The following DLG2 variants were observed in gnomAD, a reference collection of about 807,000 sequenced individuals.
DLG2 encodes the protein discs large MAGUK scaffold protein 2, also known as disks large homolog 2.
Under a neutral mutation model 132.5 loss-of-function variants are expected in DLG2, and 45 were observed. That is an observed-to-expected ratio of 0.34 (90% CI 0.27 to 0.44). The LOEUF (loss-of-function observed/expected upper bound fraction) is 0.44, where lower values mean the gene tolerates loss of function less well. DLG2 is among the 20% of genes least tolerant of loss of function. DLG2 has a pLI of 1.00. For synonymous variants in DLG2, 424 were observed against 419.6 expected (o/e 1.01, Z -0.13); for missense variants, 1,045 against 1,196.9 (o/e 0.87, Z 1.87).
chr11:84,936,072 CT>C (rs769952291), intron 6 of DLG2, among the ~76,000 whole-genome samples: 21 of 152,104 alleles, frequency 1.4e-4, no homozygotes, highest in Non-Finnish European at 2.8e-4. Context: ...TATCATCTGG[CT>C]AGATACTCAA....
At chr11:83,728,988 A>G (rs2090514754) in intron 18 of DLG2, among the ~76,000 whole-genome samples, 1 of 152,122 alleles carries the variant, frequency 6.6e-6, no homozygotes, top group African/African-American at 2.4e-5. Flanking sequence ...TCTACAATGC[A>G]GGCATGATTA....
intron 7 of DLG2, among the ~76,000 whole-genome samples, chr11:84,491,358 C>T (rs900275010): frequency 2.0e-5 from 3 of 152,066 alleles, no homozygotes; most frequent in African/African-American, 7.2e-5. Flanking sequence ...CCGCCATCCA[C>T]GTAAGATGTG....
At chr11:83,996,155 G>A (rs1485001981) in intron 11 of DLG2, among the ~76,000 whole-genome samples, 1 of 152,038 alleles carries the variant, frequency 6.6e-6, no homozygotes, top group South Asian at 2.1e-4. Context: ...ATAAAAAGAT[G>A]GGCAAAATAT....
At chr11:85,373,607 G>A (rs1306774740) in intron 3 of DLG2, among the ~76,000 whole-genome samples, 2 of 152,142 alleles carry the variant, frequency 1.3e-5, no homozygotes, top group African/African-American at 4.8e-5. Context: ...TCAGGGAGGA[G>A]CCTGGCCCCT....
chr11:84,532,275 G>C (rs2154520325), intron 7 of DLG2, among the ~76,000 whole-genome samples: 1 of 151,906 alleles, frequency 6.6e-6, no homozygotes, highest in South Asian at 2.1e-4. Context: ...CTACTCATAA[G>C]ACAAAAGATG....
chr11:84,848,450 C>A (rs2081775556), intron 6 of DLG2, among the ~76,000 whole-genome samples: 2 of 152,028 alleles, frequency 1.3e-5, no homozygotes, highest in Admixed American at 1.3e-4. Context: ...GCCGAGATTG[C>A]ACCACTGCAC....
chr11:83,544,005 T>A (rs911093849), intron 19 of DLG2, among the ~76,000 whole-genome samples: 2 of 152,190 alleles, frequency 1.3e-5, no homozygotes, highest in Non-Finnish European at 2.9e-5. Context: ...GATATTCTGG[T>A]ATGTGCTAGG....
rs148850600 is a variant in DLG2 at position 83,659,114 on chromosome 11, CAAT to C, written c.1826-25792_1826-25790del. Among the ~76,000 whole-genome samples, 1,219 of 152,308 alleles carry C rather than the reference CAAT, an allele frequency of 8.0e-3. 19 individuals are homozygous for C. Among genetic ancestry groups the C allele is most frequent in the African/African-American group, 0.028 (1,159 of 41,540 alleles). Reference sequence around the variant, plus strand: ...TTTCTGATACACATAAGGAATACAACAATGATTATGGGATAACAGTCATTATAA... The same window carrying C: ...TTTCTGATACACATAAGGAATACAACGATTATGGGATAACAGTCATTATAA... On this transcript the variant is annotated intron_variant, in intron 18 of 27. Coordinates refer to ENST00000376104, the MANE Select transcript of DLG2 (RefSeq NM_001142699.3).
chr11:84,688,020 G>T (rs1217855600), intron 6 of DLG2, among the ~76,000 whole-genome samples: 2 of 152,182 alleles, frequency 1.3e-5, no homozygotes, highest in East Asian at 3.9e-4. Context: ...GCCTTCAGAT[G>T]TACTGTGTAT....
At chr11:84,243,017 C>CTCTCTCTCTATATATATA (rs542476924) in intron 8 of DLG2, among the ~76,000 whole-genome samples, 2 of 142,206 alleles carry the variant, frequency 1.4e-5, no homozygotes, top group South Asian at 2.3e-4. Flanking sequence ...CTCTCTCTCT[C>CTCTCTCTCTATATATATA]TATATATATA....
intron 3 of DLG2, among the ~76,000 whole-genome samples, chr11:85,534,468 G>A (rs944502906): frequency 6.6e-6 from 1 of 151,998 alleles, no homozygotes; most frequent in Non-Finnish European, 1.5e-5. Context: ...GTACCCAACA[G>A]GTAGTTTTTC....
intron 4 of DLG2, among the ~76,000 whole-genome samples, chr11:85,185,330 C>T (rs1018630322): frequency 6.6e-6 from 1 of 151,916 alleles, no homozygotes; most frequent in Non-Finnish European, 1.5e-5. Flanking sequence ...GTTATCTTTA[C>T]CTGATTTTGG....
chr11:83,948,758 G>T (rs2084702802), intron 14 of DLG2, among the ~76,000 whole-genome samples: 1 of 152,240 alleles, frequency 6.6e-6, no homozygotes. Flanking sequence ...TAGCTATGCA[G>T]GCAAGGACTT....
intron 6 of DLG2, among the ~76,000 whole-genome samples, chr11:84,803,336 G>C (rs745484309): frequency 8.5e-5 from 13 of 152,158 alleles, no homozygotes; most frequent in Non-Finnish European, 1.8e-4. Flanking sequence ...GCTATTCTGT[G>C]TCTTCTTTAA....
At chr11:84,359,822 G>T (rs1057169326) in intron 7 of DLG2, among the ~76,000 whole-genome samples, 2 of 151,828 alleles carry the variant, frequency 1.3e-5, no homozygotes, top group Non-Finnish European at 2.9e-5. Context: ...TAAGATAACA[G>T]ATTATCCTAT....
chr11:85,069,606 C>T, intron 6 of DLG2, among the ~76,000 whole-genome samples: 1 of 152,092 alleles, frequency 6.6e-6, no homozygotes, highest in Non-Finnish European at 1.5e-5. Context: ...CAATGAGATA[C>T]CATCTCACAA....
chr11:83,928,161 G>A (rs887196123), intron 15 of DLG2, among the ~76,000 whole-genome samples: 1 of 151,604 alleles, frequency 6.6e-6, no homozygotes, highest in African/African-American at 2.4e-5. Context: ...GAAAGAAGGG[G>A]ACCAAATTAG....
rs1475907127 is a variant in DLG2, at chr11:84,931,095, T to C, written c.357+180566A>G. The stretch of plus-strand genomic sequence containing the variant: ...AGATTCCAAACAGCTGAGCTTCCCC[T>C]CCTCTTGAAACACCCTTACCCTACG... On this transcript the variant is annotated intron_variant, in intron 6 of 27. Transcript: ENST00000376104. Among the ~76,000 whole-genome samples the C allele has an allele frequency of 6.6e-5, 10 of 152,046 alleles. No individual in the cohort carries two copies. The East Asian group carries it at 1.9e-3, about 29-fold the overall frequency.
At chr11:84,258,050 G>A (rs572807931) in intron 7 of DLG2, among the ~76,000 whole-genome samples, 2 of 152,184 alleles carry the variant, frequency 1.3e-5, no homozygotes, top group South Asian at 4.1e-4. Flanking sequence ...TTTATTTAAT[G>A]TGCCTTGATC....
Sources: allele counts gnomAD v4.1 joint callset (sites outside exome capture counted in the v4.1 genomes callset), GRCh38; gene constraint gnomAD v4.1.1; transcripts MANE v1.5; gene names NCBI Gene and HGNC (gene_info 2026-07-23, HGNC 2026-07-21).